Variants in SLC24A3 observed in about 807,000 individuals in gnomAD.
SLC24A3 encodes the protein sodium/potassium/calcium exchanger 3.
In SLC24A3, 28 loss-of-function variants were observed where a neutral mutation model predicts 75.8. The ratio of observed to expected loss-of-function variants is 0.37; its 90% CI spans 0.27 to 0.51. The LOEUF is 0.51. SLC24A3 is among the 20% of genes least tolerant of loss of function. SLC24A3 has a pLI of 0.94. For missense variants in SLC24A3, 663 were observed against 847.8 expected, an observed-to-expected ratio of 0.78 and a Z score of 2.71; for synonymous variants, 372 against 334.1, an observed-to-expected ratio of 1.11 and a Z score of -1.24.
At chr20:19,697,985 G>T (rs2032830245) in intron 14 of SLC24A3, among the ~76,000 whole-genome samples, 1 of 152,168 alleles carries the variant, frequency 6.6e-6, no homozygotes, top group African/African-American at 2.4e-5. Flanking sequence ...TGATGGTTCT[G>T]CAGGCTGTAC....
intron 6 of SLC24A3, among the ~76,000 whole-genome samples, chr20:19,614,720 G>C (rs145981736): frequency 4.5e-4 from 69 of 152,290 alleles, no homozygotes; most frequent in African/African-American, 1.6e-3. Flanking sequence ...TTGCCATGTG[G>C]ATTCAAGTTA....
At chr20:19,280,831 G>C in intron 1 of SLC24A3, 128 bp from the exon 2 acceptor site, 1 of 1,347,384 alleles carries the variant, frequency 7.4e-7, no homozygotes, top group Non-Finnish European at 1.0e-6. Context: ...GGCAGCTAGA[G>C]GCAGAGTGGC....
chr20:19,698,952 C>T (rs957695124), intron 15 of SLC24A3, among the ~76,000 whole-genome samples: 26 of 152,196 alleles, frequency 1.7e-4, no homozygotes, highest in Non-Finnish European at 3.1e-4. Context: ...TACAGCTATT[C>T]AGCTTTGCTG....
chr20:19,504,626 G>A (rs1293238273), intron 2 of SLC24A3, among the ~76,000 whole-genome samples: 1 of 152,154 alleles, frequency 6.6e-6, no homozygotes, highest in East Asian at 1.9e-4. Context: ...TATTGGTCTG[G>A]ATCAATAGCA....
chr20:19,626,392 T>C (rs529554352), intron 6 of SLC24A3, among the ~76,000 whole-genome samples: 13 of 152,324 alleles, frequency 8.5e-5, no homozygotes, highest in Non-Finnish European at 1.5e-4. Context: ...AAGTTACATA[T>C]AGAGAAAGAA....
chr20:19,653,770 TCAGACCCGCATCACAGTTGGA>T lies in SLC24A3; in HGVS notation c.613-288_613-268del, dbSNP rs1227930029. On this transcript the variant is annotated intron_variant, in intron 6 of 16. Coordinates refer to ENST00000328041, the MANE Select transcript of SLC24A3 (RefSeq NM_020689.4). ...CCAACCATCCCTGTCTCCACGGGGG[TCAGACCCGCATCACAGTTGGA>T]CAGGCTGCATGCCCAGCTCCCCCGA... Among the ~76,000 whole-genome samples, 14 of 152,154 alleles carry T rather than the reference TCAGACCCGCATCACAGTTGGA, an allele frequency of 9.2e-5. 1 individual carries two copies. The East Asian group carries it at 1.7e-3, about 19-fold the overall frequency.
Position 19,356,351 on chromosome 20 carries a change from C to T in SLC24A3, c.271+75264C>T, listed in dbSNP as rs541442669. On this transcript the variant is annotated intron_variant, in intron 2 of 16. Transcript: ENST00000328041. ...TTGTCTTTTGGATTCCTGTATGTATCCTTATGCCTTTTCCACAAATGTATG... is the reference window on the plus strand; with the variant it reads ...TTGTCTTTTGGATTCCTGTATGTATTCTTATGCCTTTTCCACAAATGTATG... Among the ~76,000 whole-genome samples the T allele has an allele frequency of 2.6e-4, 39 of 152,284 alleles. No individual in the cohort carries two copies. In the East Asian group the frequency reaches 7.5e-3, roughly 29 times the overall value.
chr20:19,496,660 C>T (rs188104331), intron 2 of SLC24A3, among the ~76,000 whole-genome samples: 5 of 152,092 alleles, frequency 3.3e-5, no homozygotes, highest in Non-Finnish European at 7.3e-5. Flanking sequence ...AAAAACTGGT[C>T]AGAGAGCACA....
intron 2 of SLC24A3, among the ~76,000 whole-genome samples, chr20:19,409,012 G>A (rs1049309787): frequency 1.3e-5 from 2 of 152,194 alleles, no homozygotes; most frequent in South Asian, 2.1e-4. Flanking sequence ...GCTAAAGGGA[G>A]AAGACGATCC....
At chr20:19,471,156 G>A (rs1449040240) in intron 2 of SLC24A3, among the ~76,000 whole-genome samples, 1 of 152,104 alleles carries the variant, frequency 6.6e-6, no homozygotes. Context: ...AAGAAGCAGA[G>A]TAAGAGGGGA....
At chr20:19,297,779 T>G (rs1984095547) in intron 2 of SLC24A3, among the ~76,000 whole-genome samples, 1 of 152,240 alleles carries the variant, frequency 6.6e-6, no homozygotes, top group African/African-American at 2.4e-5. Context: ...AAAGAGACTT[T>G]TGTGAAAAAT....
At chr20:19,537,768 T>A (rs1050941353) in intron 3 of SLC24A3, among the ~76,000 whole-genome samples, 2 of 150,524 alleles carry the variant, frequency 1.3e-5, no homozygotes, top group Admixed American at 6.7e-5. Context: ...CTGAGCAAAC[T>A]ATTGCAAGGA....
intron 7 of SLC24A3, among the ~76,000 whole-genome samples, chr20:19,665,228 C>T (rs939170252): frequency 3.2e-4 from 48 of 152,092 alleles, no homozygotes; most frequent in African/African-American, 1.1e-3. Flanking sequence ...AGGGCTTGGG[C>T]GCCAACAGTG....
intron 15 of SLC24A3, among the ~76,000 whole-genome samples, chr20:19,717,268 G>A (rs1188314540): frequency 6.6e-6 from 1 of 152,248 alleles, no homozygotes; most frequent in Non-Finnish European, 1.5e-5. Flanking sequence ...GGGCACTCCA[G>A]CCAGGGGCCT....
intron 16 of SLC24A3, among the ~76,000 whole-genome samples, chr20:19,720,415 G>A (rs2033091869): frequency 6.6e-6 from 1 of 152,188 alleles, no homozygotes; most frequent in East Asian, 1.9e-4. Context: ...CAGTGGCCGG[G>A]GTTACATCGT....
intron 6 of SLC24A3, among the ~76,000 whole-genome samples, chr20:19,613,650 T>C (rs1170852103): frequency 6.6e-6 from 1 of 152,168 alleles, no homozygotes; most frequent in Non-Finnish European, 1.5e-5. Flanking sequence ...AGACACCTGT[T>C]CCTCCTTGGG....
intron 2 of SLC24A3, among the ~76,000 whole-genome samples, chr20:19,293,360 A>G (rs1437020849): frequency 6.6e-6 from 1 of 152,064 alleles, no homozygotes; most frequent in African/African-American, 2.4e-5. Flanking sequence ...GTGGCTCGGA[A>G]AGGGATGTTT....
chr20:19,680,174 G>T (rs1600337112), intron 9 of SLC24A3, among the ~76,000 whole-genome samples: 1 of 131,314 alleles, frequency 7.6e-6, no homozygotes, highest in African/African-American at 2.9e-5. Context: ...GTGTGTCTCT[G>T]TGTGTCTGTA....
chr20:19,311,756 CT>C (rs1984462638), intron 2 of SLC24A3, among the ~76,000 whole-genome samples: 1 of 151,952 alleles, frequency 6.6e-6, no homozygotes, highest in Non-Finnish European at 1.5e-5. Flanking sequence ...ATGCAGCTCT[CT>C]TTTTTCCCCT....
Sources: gnomAD v4.1 joint callset for allele counts (sites outside exome capture counted in the v4.1 genomes callset) on GRCh38, gnomAD v4.1.1 for gene constraint, MANE v1.5 for transcripts, NCBI Gene and HGNC (gene_info 2026-07-23, HGNC 2026-07-21) for gene names.